Variants in CFHR4 observed in about 807,000 individuals in gnomAD.
CFHR4 encodes the protein complement factor H related 4.
In CFHR4, 64 loss-of-function variants were observed where a neutral mutation model predicts 69.3. The ratio of observed to expected loss-of-function variants is 0.92; its 90% CI spans 0.76 to 1.14. The LOEUF (loss-of-function observed/expected upper bound fraction) is 1.14. CFHR4 is among the 50% of genes most tolerant of loss of function. The pLI is 0.00. For synonymous variants in CFHR4, 244 were observed against 237.0 expected (o/e 1.03, Z -0.27); for missense variants, 636 against 684.9 (o/e 0.93, Z 0.80).
intron 9 of CFHR4, among the ~76,000 whole-genome samples, chr1:196,915,377 C>T (rs937648773): frequency 9.9e-5 from 15 of 151,536 alleles, no homozygotes; most frequent in African/African-American, 2.9e-4. Flanking sequence ...GTGGCTCACG[C>T]CTGTAGTCCC....
At chr1:196,890,784 C>T (rs896762060) in intron 1 of CFHR4, among the ~76,000 whole-genome samples, 2 of 151,382 alleles carry the variant, frequency 1.3e-5, no homozygotes, top group Admixed American at 1.3e-4. Flanking sequence ...ATTTCACGTG[C>T]CCCCATTAAG....
chr1:196,907,500 T>G lies in CFHR4; in HGVS notation c.799+2T>G. On this transcript the variant is annotated splice_donor_variant, in intron 5 of 9. Transcript: ENST00000608469. LOFTEE classifies it high-confidence loss of function. The stretch of plus-strand genomic sequence containing the variant: ...GGTCAGAACCACCAAGATGCATATG[T>G]AAGTTCTTAATATTCTGGATCTGAG... The G allele has an allele frequency of 6.2e-7, 1 of 1,603,796 alleles. No homozygotes were observed. Among genetic ancestry groups the G allele is most frequent in the Non-Finnish European group, 8.5e-7 (1 of 1,173,358 alleles).
At chr1:196,913,740 A>G (rs1658412736) in intron 7 of CFHR4, among the ~76,000 whole-genome samples, 1 of 151,212 alleles carries the variant, frequency 6.6e-6, no homozygotes, top group South Asian at 2.1e-4. Flanking sequence ...TCAAGGGTAC[A>G]ATTCAACTAT....
chr1:196,906,519 C>G (rs1367495246), intron 3 of CFHR4, among the ~76,000 whole-genome samples: 1 of 151,326 alleles, frequency 6.6e-6, no homozygotes, highest in Non-Finnish European at 1.5e-5. Flanking sequence ...TTTAAATTCA[C>G]AAAATTTTAT....
chr1:196,918,355 ATTT>A lies in CFHR4; in HGVS notation c.1687_1689del (p.Phe563del), dbSNP rs1658780980. The A allele has an allele frequency of 6.2e-7, 1 of 1,612,328 alleles. No individual in the cohort carries two copies. The highest frequency in any genetic ancestry group is 8.5e-7 in the Non-Finnish European group (1 of 1,179,254). On this transcript the variant is annotated inframe_deletion, in exon 10 of 10. Coordinates refer to ENST00000608469, the MANE Select transcript of CFHR4 (RefSeq NM_001201550.3). ...ATAATGCGAATACATCAGTTCTATC[ATTT>A]CAAGCAGTGTGTAGGGAAGGCATAG...
At chr1:196,915,544 A>G (rs927840918) in intron 9 of CFHR4, among the ~76,000 whole-genome samples, 1 of 151,518 alleles carries the variant, frequency 6.6e-6, no homozygotes, top group Admixed American at 6.6e-5. Context: ...GTGAGGCAGG[A>G]GAATCATCTG....
chr1:196,907,302 G>A lies in CFHR4; in HGVS notation c.617-14G>A. Reference sequence around the variant, plus strand: ...ACTGTTGATTTTTCCCCAATGTAAAGTATTTTTTTTCAGATTCTTCAGAAA... The same window carrying A: ...ACTGTTGATTTTTCCCCAATGTAAAATATTTTTTTTCAGATTCTTCAGAAA... On this transcript the variant is annotated splice_polypyrimidine_tract_variant and intron_variant, in intron 4 of 9. Coordinates refer to ENST00000608469, the MANE Select transcript of CFHR4 (RefSeq NM_001201550.3). 1 of 1,601,784 alleles carries A rather than the reference G, an allele frequency of 6.2e-7. No homozygotes were observed.
rs1390403427 is a variant in CFHR4 at position 196,898,965 on chromosome 1, T to A, written c.59-3453T>A. On this transcript the variant is annotated intron_variant, in intron 1 of 9. Transcript: ENST00000608469. Reference sequence around the variant, plus strand: ...AGAGAGTGAGGAGTAGGAGGAAGCCTTCATGTCATTTATCACCTAGTCACA... The same window carrying A: ...AGAGAGTGAGGAGTAGGAGGAAGCCATCATGTCATTTATCACCTAGTCACA... Among the ~76,000 whole-genome samples the A allele has an allele frequency of 1.3e-5, 2 of 151,588 alleles. 1 individual carries two copies. Among genetic ancestry groups the A allele is most frequent in the Non-Finnish European group, 2.9e-5 (2 of 67,978 alleles).
chr1:196,918,538 A>C lies in CFHR4; in HGVS notation c.*132A>C. 2.2e-6 allele frequency: 2 copies of C among 915,008 alleles called. No individual in the cohort carries two copies. Among genetic ancestry groups the C allele is most frequent in the Non-Finnish European group, 3.4e-6 (2 of 586,874 alleles). 56.7% of individuals were successfully genotyped at this position (915,008 alleles called of 1,614,324 possible). On this transcript the variant is annotated 3_prime_UTR_variant, in exon 10 of 10. Transcript: ENST00000608469. ...CAAAGAAAATTAATATAATAGTTTC[A>C]ATTTGCAACTTAATATGTTCTCAAA...
chr1:196,905,239 G>C lies in CFHR4; in HGVS notation c.388G>C (p.Gly130Arg). 1 of 1,611,406 alleles carries C rather than the reference G, an allele frequency of 6.2e-7. No homozygotes were observed. Among genetic ancestry groups the C allele is most frequent in the Non-Finnish European group, 8.5e-7 (1 of 1,178,846 alleles). ...TGCAACAGCAGAGGGAAATTCTTCA[G>C]GATCAATTACATGTTTGCAAAATGG... ...GYATAEGNSSGSITCLQNGWS... is the reference protein window; with the variant it reads ...GYATAEGNSSRSITCLQNGWS... The change falls in exon 3 of 10, where the codon GGA (glycine) becomes CGA (arginine). Residue 130 changes from glycine to arginine, a missense_variant. Gly to Arg is a moderately radical substitution (Grantham distance 125). Coordinates refer to ENST00000608469, the MANE Select transcript of CFHR4 (RefSeq NM_001201550.3).
chr1:196,902,294 T>TTGCCCTAAAACCCCTAATTCATTA (rs1329221852), intron 1 of CFHR4, 124 bp from the exon 2 acceptor site: 22 of 688,182 alleles, frequency 3.2e-5, no homozygotes, highest in Non-Finnish European at 4.7e-5. Flanking sequence ...GTAACTTTTC[T>TTGCCCTAAAACCCCTAATTCATTA]TGCCCTAAAA....
chr1:196,918,506 T>C lies in CFHR4; in HGVS notation c.*100T>C, dbSNP rs1259692993. On this transcript the variant is annotated 3_prime_UTR_variant, in exon 10 of 10. Transcript: ENST00000608469. ...CTTCTGATATTGTTGTAATTTCTAC[T>C]TTATTTCAAAGAAAATTAATATAAT... 1.8e-5 allele frequency: 22 copies of C among 1,213,892 alleles called. No homozygotes were observed. Among genetic ancestry groups the C allele is most frequent in the Non-Finnish European group, 2.5e-5 (21 of 835,480 alleles). 75.2% of individuals were successfully genotyped at this position (1,213,892 alleles called of 1,614,324 possible).
At chr1:196,897,657 G>A (rs1214963480) in intron 1 of CFHR4, among the ~76,000 whole-genome samples, 2 of 151,352 alleles carry the variant, frequency 1.3e-5, no homozygotes, top group African/African-American at 4.9e-5. Context: ...CTCCCCTAGC[G>A]GAACTCATTT....
chr1:196,906,179 G>A (rs1553303042), intron 3 of CFHR4, among the ~76,000 whole-genome samples: 1 of 151,422 alleles, frequency 6.6e-6, no homozygotes, highest in Non-Finnish European at 1.5e-5. Flanking sequence ...GAACATGGAT[G>A]AATCTCAAAA....
At chr1:196,891,790 T>A (rs1211169003) in intron 1 of CFHR4, among the ~76,000 whole-genome samples, 4 of 151,248 alleles carry the variant, frequency 2.6e-5, no homozygotes, top group African/African-American at 9.8e-5. Context: ...TCTCTTTGTA[T>A]ATACATATAC....
At chr1:196,910,233 C>A in intron 5 of CFHR4, 48 bp from the exon 6 acceptor site, 1 of 1,080,640 alleles carries the variant, frequency 9.3e-7, no homozygotes, top group Non-Finnish European at 1.3e-6. Context: ...ATATCATTGT[C>A]TGTTACAGTG....
intron 1 of CFHR4, among the ~76,000 whole-genome samples, chr1:196,892,866 G>A (rs1195732143): frequency 6.6e-6 from 1 of 151,480 alleles, no homozygotes; most frequent in Admixed American, 6.6e-5. Flanking sequence ...AACAACATGT[G>A]TATTTAGCTT....
At chr1:196,894,068 A>C (rs893686861) in intron 1 of CFHR4, among the ~76,000 whole-genome samples, 7 of 151,528 alleles carry the variant, frequency 4.6e-5, no homozygotes, top group Admixed American at 1.3e-4. Context: ...CAACACTCTC[A>C]GTTAAATTGC....
chr1:196,914,374 A>G (rs1243076295), intron 7 of CFHR4, 121 bp from the exon 8 acceptor site: 8 of 942,128 alleles, frequency 8.5e-6, no homozygotes, highest in Admixed American at 3.4e-5. Flanking sequence ...ACTATTTTTA[A>G]TAGTACTCAA....
Sources: gnomAD v4.1 joint callset for allele counts (sites outside exome capture counted in the v4.1 genomes callset) on GRCh38, gnomAD v4.1.1 for gene constraint, MANE v1.5 for transcripts, NCBI Gene and HGNC (gene_info 2026-07-23, HGNC 2026-07-21) for gene names.